TTC14: variants seen among roughly 807,000 people sequenced by gnomAD.
TTC14 encodes the protein tetratricopeptide repeat protein 14.
Under a neutral mutation model 79.9 loss-of-function variants are expected in TTC14, and 63 were observed. The ratio of observed to expected loss-of-function variants is 0.79; its 90% CI spans 0.64 to 0.97. The LOEUF (loss-of-function observed/expected upper bound fraction) is 0.97, where lower values mean the gene tolerates loss of function less well. TTC14 is among the 50% of genes least tolerant of loss of function. The probability of loss-of-function intolerance (pLI) is 0.00; values close to 1 mark genes in which losing one functional copy is unlikely to be tolerated. For synonymous variants in TTC14, 335 were observed against 309.6 expected (o/e 1.08, Z -0.86); for missense variants, 895 against 894.0 (o/e 1.00, Z -0.01).
At chr3:180,606,144 A>G (rs1159324107) in intron 7 of TTC14, 109 bp from the exon 8 acceptor site, 2 of 1,475,340 alleles carry the variant, frequency 1.4e-6, no homozygotes, top group African/African-American at 2.8e-5. Flanking sequence ...TCTGAAAACT[A>G]AATATTTTGC....
intron 12 of TTC14, among the ~76,000 whole-genome samples, chr3:180,617,216 A>G (rs1717279085): frequency 6.6e-6 from 1 of 152,168 alleles, no homozygotes; most frequent in Non-Finnish European, 1.5e-5. Context: ...ACAATACATT[A>G]GTCATGAGTT....
chr3:180,605,095 T>A (rs1716602505), intron 6 of TTC14, 88 bp downstream of exon 6: 1 of 1,361,516 alleles, frequency 7.3e-7, no homozygotes, highest in East Asian at 2.4e-5. Flanking sequence ...TATTTTACCA[T>A]CCTAAGCCAC....
At chr3:180,604,742 T>G in intron 5 of TTC14, 110 bp from the exon 6 acceptor site, 1 of 1,420,048 alleles carries the variant, frequency 7.0e-7, no homozygotes, top group Non-Finnish European at 9.5e-7. Context: ...CCACACCATC[T>G]TATGCAAAAA....
chr3:180,602,468 C>T, intron 1 of TTC14, 46 bp downstream of exon 1: 1 of 1,536,748 alleles, frequency 6.5e-7, no homozygotes, highest in Non-Finnish European at 8.7e-7. Flanking sequence ...GGGGACGCAG[C>T]TCTGGCAGCC....
chr3:180,609,270 G>C, intron 11 of TTC14: 11 of 321,978 alleles, frequency 3.4e-5, no homozygotes, highest in Non-Finnish European at 4.4e-5. Context: ...CCCCTACCAA[G>C]AATTATTTGG....
In TTC14 at chr3:180,610,726, C is replaced by G; in HGVS notation, c.*184C>G. 7.6e-7 allele frequency: 1 copy of G among 1,316,610 alleles called. No individual in the cohort carries two copies. The highest frequency in any genetic ancestry group is 9.7e-7 in the Non-Finnish European group (1 of 1,034,398). The allele number at this position is 1,316,610 out of a possible 1,614,324, so 81.6% of individuals were successfully genotyped here. On this transcript the variant is annotated 3_prime_UTR_variant, in exon 12 of 12. Transcript: ENST00000296015. ...TTCAGTTCTAGGTCCCTTGTCACAG[C>G]TTGGTTTTTAGACTTTTTATGTATA...
At chr3:180,606,707 C>T in intron 9 of TTC14, 104 bp downstream of exon 9, 4 of 1,289,396 alleles carry the variant, frequency 3.1e-6, no homozygotes, top group Non-Finnish European at 4.2e-6. Context: ...ATTTATAACA[C>T]TCTTGGTTTC....
intron 12 of TTC14, chr3:180,617,056 C>G (rs771091858): frequency 3.4e-5 from 26 of 754,366 alleles, no homozygotes; most frequent in Non-Finnish European, 5.2e-5. Flanking sequence ...AATTTTAATT[C>G]ATTTATTTTT....
chr3:180,609,815 A>C lies in TTC14; in HGVS notation c.1586A>C (p.Asp529Ala). Residue 529 changes from aspartate (D) to alanine (A), a missense_variant, in exon 12 of 12, where the codon GAT becomes GCT. Physicochemically the swap from Asp to Ala is moderately radical, Grantham distance 126. Coordinates refer to ENST00000296015, the MANE Select transcript of TTC14 (RefSeq NM_133462.4). ...TCTAGGGCATCCTCAAATCAGATAGATCAGAATAGGAAAGATGAGTGCTAC... is the reference window on the plus strand; with the variant it reads ...TCTAGGGCATCCTCAAATCAGATAGCTCAGAATAGGAAAGATGAGTGCTAC... The part of the protein sequence containing the change: ...HSSRASSNQI[D>A]QNRKDECYPV... The C allele has an allele frequency of 1.2e-6, 2 of 1,613,770 alleles. No individual in the cohort carries two copies. Among genetic ancestry groups the C allele is most frequent in the Non-Finnish European group, 1.7e-6 (2 of 1,179,896 alleles).
downstream of TTC14, among the ~76,000 whole-genome samples, chr3:180,611,334 A>G (rs1485301504): frequency 6.6e-6 from 1 of 152,256 alleles, no homozygotes; most frequent in Admixed American, 6.5e-5. Context: ...TTTAGCAAAA[A>G]CATAGCAGTA....
Position 180,606,616 on chromosome 3 carries a change from TTTTG to T in TTC14, c.1172+17_1172+20del, listed in dbSNP as rs1223475938. On this transcript the variant is annotated intron_variant, in intron 9 of 11. Transcript: ENST00000296015. The stretch of plus-strand genomic sequence containing the variant: ...AGAGAGGAGGACAGTAAGTATCAGA[TTTTG>T]TTTAATAGTGGAGGTCTAATGTTCA... 2 of 1,604,748 alleles carry T rather than the reference TTTTG, an allele frequency of 1.2e-6. No individual in the cohort carries two copies. The highest frequency in any genetic ancestry group is 2.2e-5 in the East Asian group (1 of 44,786).
At chr3:180,606,798 A>G (rs1716722299) in intron 9 of TTC14, among the ~76,000 whole-genome samples, 195 bp downstream of exon 9, 1 of 152,184 alleles carries the variant, frequency 6.6e-6, no homozygotes, top group South Asian at 2.1e-4. Flanking sequence ...TGGTTTAATG[A>G]CTATACTATT....
At chr3:180,615,940 T>C (rs2108403645), downstream of TTC14, among the ~76,000 whole-genome samples, 1 of 152,352 alleles carries the variant, frequency 6.6e-6, no homozygotes, top group Admixed American at 6.5e-5. Flanking sequence ...CTTACATGTT[T>C]TTAAAAAAAT....
intron 10 of TTC14, chr3:180,607,998 G>A (rs1302609933): frequency 1.0e-5 from 13 of 1,252,028 alleles, no homozygotes; most frequent in Non-Finnish European, 1.2e-5. Context: ...TTGGTATGTT[G>A]TTTTGAGAAA....
intron 11 of TTC14, chr3:180,609,261 C>T: frequency 2.4e-6 from 2 of 838,452 alleles, no homozygotes; most frequent in Non-Finnish European, 2.9e-6. Context: ...CACCCCCACC[C>T]CCTACCAAGA....
rs768125973 is a variant in TTC14 at position 180,610,346 on chromosome 3, A to G, written c.2117A>G (p.Asn706Ser). ...FSRHEQRYRLNTNQGEYERED... is the reference protein window; with the variant it reads ...FSRHEQRYRLSTNQGEYERED... ...AGACATGAGCAAAGATACCGTTTAAATACAAATCAAGGAGAATATGAAAGA... is the reference window on the plus strand; with the variant it reads ...AGACATGAGCAAAGATACCGTTTAAGTACAAATCAAGGAGAATATGAAAGA... Residue 706 changes from asparagine to serine, a missense_variant, in exon 12 of 12, where the codon AAT becomes AGT. Coordinates refer to ENST00000296015, the MANE Select transcript of TTC14 (RefSeq NM_133462.4). The G allele has an allele frequency of 1.9e-6, 3 of 1,613,146 alleles. No homozygotes were observed. The highest frequency in any genetic ancestry group is 2.5e-6 in the Non-Finnish European group (3 of 1,179,738).
chr3:180,610,047 C>T lies in TTC14; in HGVS notation c.1818C>T (p.Thr606=). 6.2e-7 allele frequency: 1 copy of T among 1,613,774 alleles called. No individual in the cohort carries two copies. ...GAGATTTTTATAACAGCTATAAAAC[C>T]CAAGCAGGTAGTAGCAAAACAGAAA... ...DPRDFYNSYK[T]QAGSSKTEKP... Residue 606 remains threonine, a synonymous_variant, in exon 12 of 12, where the codon ACC becomes ACT. Transcript: ENST00000296015.
At chr3:180,616,990 A>AT (rs1176012776) in intron 12 of TTC14, 20 of 1,179,386 alleles carry the variant, frequency 1.7e-5, no homozygotes, top group Admixed American at 6.3e-5. Flanking sequence ...ATTAACATGT[A>AT]TTTTTTAGAA....
Position 180,609,857 on chromosome 3 carries a change from C to T in TTC14, c.1628C>T (p.Thr543Ile), listed in dbSNP as rs1185571710. The change falls in exon 12 of 12, where the codon ACT becomes ATT. Residue 543 changes from threonine to isoleucine, a missense_variant. By Grantham distance (89) the Thr-to-Ile change is moderately conservative. Coordinates refer to ENST00000296015, the MANE Select transcript of TTC14 (RefSeq NM_133462.4). The part of the protein sequence containing the change: ...KDECYPVPAN[T>I]SASFLNHKQE... Reference sequence around the variant, plus strand: ...GAGTGCTACCCAGTTCCAGCTAATACTTCAGCATCTTTTCTTAACCATAAA... The same window carrying T: ...GAGTGCTACCCAGTTCCAGCTAATATTTCAGCATCTTTTCTTAACCATAAA... The T allele has an allele frequency of 1.9e-6, 3 of 1,613,676 alleles. No individual in the cohort carries two copies. The South Asian group carries it at 3.3e-5, about 18-fold the overall frequency.
Sources: allele counts gnomAD v4.1 joint callset (sites outside exome capture counted in the v4.1 genomes callset), GRCh38; gene constraint gnomAD v4.1.1; transcripts MANE v1.5; gene names NCBI Gene and HGNC (gene_info 2026-07-23, HGNC 2026-07-21).